Variants in C1QTNF9B observed in about 807,000 individuals in gnomAD.
C1QTNF9B encodes complement C1q and tumor necrosis factor-related protein 9B.
Under a neutral mutation model 10.1 loss-of-function variants are expected in C1QTNF9B, and 9 were observed. That is an observed-to-expected ratio of 0.89 (90% CI 0.53 to 1.55). C1QTNF9B has a LOEUF of 1.55. Among genes scored for constraint, C1QTNF9B ranks in the 40% most tolerant of loss-of-function variants. The pLI is 0.00. For synonymous variants in C1QTNF9B, 79 were observed against 159.9 expected, an observed-to-expected ratio of 0.49 and a Z score of 3.82; for missense variants, 196 against 414.4, an observed-to-expected ratio of 0.47 and a Z score of 4.58.
intron 2 of C1QTNF9B, 114 bp from the exon 5 acceptor site, chr13:23,892,175 T>C: frequency 7.1e-7 from 1 of 1,413,630 alleles, no homozygotes; most frequent in Non-Finnish European, 9.6e-7. Context: ...ACAGGTTCAG[T>C]ATATGCCCAG....
chr13:23,894,987 C>T (rs112463152), intron 1 of C1QTNF9B, among the ~76,000 whole-genome samples: 4 of 151,822 alleles, frequency 2.6e-5, no homozygotes, highest in African/African-American at 4.8e-5. Context: ...GGGCGACAGG[C>T]GCAGGCTGGG....
chr13:23,895,872 C>T (rs372057964), intron 1 of C1QTNF9B, among the ~76,000 whole-genome samples: 22 of 151,910 alleles, frequency 1.4e-4, no homozygotes, highest in African/African-American at 4.1e-4. Flanking sequence ...TATTTGCTAC[C>T]GGGGGACTGG....
At position 23,894,459 on chromosome 13, in the gene C1QTNF9B, C is replaced by G. The variant is rs1164411965; in HGVS notation, c.167-258G>C. On this transcript the variant is annotated intron_variant, in intron 1 of 2. Transcript: ENST00000382137. ...CCATCTCTAGGACGTGCCTAGAGCG[C>G]ACAGCAAGACAGGACGAAGAGGGAG... 54 of 641,916 alleles carry G rather than the reference C, an allele frequency of 8.4e-5. No individual in the cohort carries two copies. The Admixed American group carries it at 1.0e-3, about 12-fold the overall frequency. 39.8% of individuals were successfully genotyped at this position (641,916 alleles called of 1,614,324 possible).
At chr13:23,896,731 G>A in intron 1 of C1QTNF9B, 90 bp downstream of exon 3, 1 of 1,563,424 alleles carries the variant, frequency 6.4e-7, no homozygotes, top group East Asian at 2.3e-5. Context: ...TTGTGAGTGG[G>A]TAGGTGGAAA....
At chr13:23,892,091 A>G in intron 2 of C1QTNF9B, 30 bp from the exon 5 acceptor site, 1 of 1,608,530 alleles carries the variant, frequency 6.2e-7, no homozygotes, top group Non-Finnish European at 8.5e-7. Flanking sequence ...ATAAAGAGAT[A>G]GTTTGTGAAA....
chr13:23,895,744 C>G (rs1393153030), intron 1 of C1QTNF9B, among the ~76,000 whole-genome samples: 1 of 144,314 alleles, frequency 6.9e-6, no homozygotes, highest in Non-Finnish European at 1.5e-5. Flanking sequence ...AAAATACACA[C>G]AGACACAGAC....
At chr13:23,895,691 A>G (rs184787678) in intron 1 of C1QTNF9B, among the ~76,000 whole-genome samples, 1 of 152,276 alleles carries the variant, frequency 6.6e-6, no homozygotes, top group African/African-American at 2.4e-5. Flanking sequence ...GTAATATTTT[A>G]TAACAAAAAT....
exon 3 of C1QTNF9B, chr13:23,891,398 C>G (rs140860568): frequency 1.3e-6 from 2 of 1,581,594 alleles, no homozygotes; most frequent in South Asian, 2.2e-5. Context: ...CATCTCATCC[C>G]CGAGCTTCAG....
intron 2 of C1QTNF9B, 85 bp from the exon 5 acceptor site, chr13:23,892,146 A>C: frequency 6.6e-7 from 1 of 1,526,660 alleles, no homozygotes; most frequent in East Asian, 2.3e-5. Context: ...TTGAGCTCAC[A>C]AATGAAACAA....
exon 3 of C1QTNF9B, chr13:23,891,244 G>C: frequency 7.0e-7 from 1 of 1,432,938 alleles, no homozygotes; most frequent in South Asian, 1.5e-5. Context: ...TTCATCCCAA[G>C]CTGATTCTGA....
At chr13:23,894,532 G>A (rs1450352916) in intron 1 of C1QTNF9B, 3 of 573,912 alleles carry the variant, frequency 5.2e-6, no homozygotes, top group Non-Finnish European at 1.0e-5. Flanking sequence ...TTCCTCTCCT[G>A]CGACAAGGAC....
In C1QTNF9B at chr13:23,896,726, A is replaced by G; in HGVS notation, c.166+95T>C. 3 of 1,555,746 alleles carry G rather than the reference A, an allele frequency of 1.9e-6. No individual in the cohort carries two copies. The East Asian group carries it at 6.8e-5, about 35-fold the overall frequency. Reference sequence around the variant, plus strand: ...TGGGTGGATGGATGGATGGGTTGTGAGTGGGTAGGTGGAAAACCACACAGA... The same window carrying G: ...TGGGTGGATGGATGGATGGGTTGTGGGTGGGTAGGTGGAAAACCACACAGA... On this transcript the variant is annotated intron_variant, in intron 1 of 2. Transcript: ENST00000382137.
chr13:23,896,900 T>G (rs66990269), exon 1 of C1QTNF9B: 538,535 of 1,601,312 alleles, frequency 0.34, 66,080 homozygotes, highest in East Asian at 0.45. Flanking sequence ...TCCCAGGGAT[T>G]CCAGGGTGCC....
chr13:23,893,234 G>A (rs1184290521), intron 2 of C1QTNF9B, among the ~76,000 whole-genome samples: 2 of 152,164 alleles, frequency 1.3e-5, no homozygotes, highest in Non-Finnish European at 2.9e-5. Context: ...GTCAGTACAT[G>A]AAAAGCACAA....
upstream of C1QTNF9B, chr13:23,897,237 A>G: frequency 2.0e-6 from 1 of 502,364 alleles, no homozygotes; most frequent in Non-Finnish European, 3.5e-6. Context: ...CTGAACGGGC[A>G]ATAAAAAAAA....
rs778585376 is a variant in C1QTNF9B, at chr13:23,896,808, G to A, written c.166+13C>T. 4.7e-5 allele frequency: 75 copies of A among 1,612,452 alleles called. No individual in the cohort carries two copies. Among genetic ancestry groups the A allele is most frequent in the Admixed American group, 1.2e-4 (7 of 59,938 alleles). ...GAGAAGCTCAAAGGCAGCCGAAGCCGTCAGGTGAGTACCTGCATCGCCTTT... is the reference window on the plus strand; with the variant it reads ...GAGAAGCTCAAAGGCAGCCGAAGCCATCAGGTGAGTACCTGCATCGCCTTT... On this transcript the variant is annotated intron_variant, in intron 1 of 2. Coordinates refer to ENST00000382137, the Ensembl canonical transcript of C1QTNF9B.
chr13:23,891,502 C>G, exon 3 of C1QTNF9B: 1 of 1,606,446 alleles, frequency 6.2e-7, no homozygotes, highest in South Asian at 1.1e-5. Flanking sequence ...CCAAAGACAC[C>G]TGAACATTCC....
Position 23,892,061 on chromosome 13 carries a change from C to T in C1QTNF9B, c.230G>A (p.Gly77Glu), listed in dbSNP as rs1872018467. Residue 77 changes from glycine to glutamate, a missense_variant and splice_region_variant, in exon 3 of 3, where the codon GGA (glycine) becomes GAA (glutamate). Coordinates refer to ENST00000382137, the Ensembl canonical transcript of C1QTNF9B. The stretch of plus-strand genomic sequence containing the variant: ...TTTTGCTTCAACTTTTCCATCTGCT[C>T]CTAAATAGAGAAAGAGCAAATAAAG... 5.0e-6 allele frequency: 8 copies of T among 1,613,270 alleles called. No individual in the cohort carries two copies. In the East Asian group the frequency reaches 1.8e-4, roughly 36 times the overall value.
intron 1 of C1QTNF9B, among the ~76,000 whole-genome samples, chr13:23,895,916 A>G (rs1014036480): frequency 6.6e-6 from 1 of 152,206 alleles, no homozygotes; most frequent in Non-Finnish European, 1.5e-5. Context: ...GTGAGGAGCC[A>G]GGAGAAGACA....
Sources: gnomAD v4.1 joint callset for allele counts (sites outside exome capture counted in the v4.1 genomes callset) on GRCh38, gnomAD v4.1.1 for gene constraint, MANE v1.5 for transcripts, NCBI Gene and HGNC (gene_info 2026-07-23, HGNC 2026-07-21) for gene names.